Variants in WDR7 observed in about 807,000 individuals in gnomAD.
WDR7 encodes WD repeat domain 7, also known as WD repeat-containing protein 7.
WDR7 carries 46 observed loss-of-function variants against 169.4 expected under a neutral mutation model. That is an observed-to-expected ratio of 0.27 (90% CI 0.21 to 0.35). The LOEUF is 0.35. WDR7 is among the 10% of genes least tolerant of loss of function. The probability of loss-of-function intolerance (pLI) is 1.00; values close to 1 mark genes in which losing one functional copy is unlikely to be tolerated. For missense variants in WDR7, 1,534 were observed against 1,859.3 expected, an observed-to-expected ratio of 0.83 and a Z score of 3.22; for synonymous variants, 612 against 666.8, an observed-to-expected ratio of 0.92 and a Z score of 1.27.
intron 22 of WDR7, among the ~76,000 whole-genome samples, chr18:56,924,739 C>T (rs1437877424): frequency 6.6e-6 from 1 of 152,200 alleles, no homozygotes; most frequent in Admixed American, 6.5e-5. Flanking sequence ...AACTCAATCT[C>T]CTGATTCCTG....
intron 19 of WDR7, among the ~76,000 whole-genome samples, chr18:56,798,460 G>A (rs981177843): frequency 6.6e-6 from 1 of 152,162 alleles, no homozygotes; most frequent in Non-Finnish European, 1.5e-5. Context: ...AGAGGCCAGG[G>A]ATGCTTCTAA....
At chr18:56,716,030 AGT>A (rs10572330) in intron 12 of WDR7, among the ~76,000 whole-genome samples, 22,663 of 146,508 alleles carry the variant, frequency 0.15, 1,754 homozygotes, top group African/African-American at 0.21. Flanking sequence ...CATACGTAGC[AGT>A]GTGTGTGTGT....
Position 56,696,334 on chromosome 18 carries a change from T to C in WDR7, c.1450T>C (p.Tyr484His), listed in dbSNP as rs1271490095. ...GGTCTCAGCTCGGTATGATCAAAGA[T>C]ACCTGATATCTGGAGGTGTGGATTT... ...HQVSARYDQR[Y>H]LISGGVDFSV... The change falls in exon 12 of 28, where the codon TAC becomes CAC. Residue 484 changes from tyrosine (Y) to histidine (H), a missense_variant. Coordinates refer to ENST00000254442, the MANE Select transcript of WDR7 (RefSeq NM_015285.3). The C allele has an allele frequency of 6.2e-7, 1 of 1,614,132 alleles. No homozygotes were observed. Among genetic ancestry groups the C allele is most frequent in the Admixed American group, 1.7e-5 (1 of 60,024 alleles).
intron 21 of WDR7, among the ~76,000 whole-genome samples, chr18:56,897,755 C>T (rs187571686): frequency 9.8e-4 from 149 of 151,914 alleles, no homozygotes; most frequent in African/African-American, 3.4e-3. Flanking sequence ...TCTAAAATAG[C>T]AGTGACCAAG....
intron 21 of WDR7, among the ~76,000 whole-genome samples, chr18:56,922,496 C>T (rs1202624964): frequency 6.6e-6 from 1 of 152,126 alleles, no homozygotes; most frequent in Non-Finnish European, 1.5e-5. Context: ...TGAAGCTTTA[C>T]ATATTATAAT....
intron 25 of WDR7, among the ~76,000 whole-genome samples, chr18:56,960,500 A>G (rs1414497806): frequency 6.6e-6 from 1 of 152,170 alleles, no homozygotes; most frequent in South Asian, 2.1e-4. Context: ...TCCTGTGCCT[A>G]TTAACCTGCA....
intron 21 of WDR7, among the ~76,000 whole-genome samples, chr18:56,911,806 GAA>G (rs1181276930): frequency 6.6e-6 from 1 of 152,204 alleles, no homozygotes; most frequent in Non-Finnish European, 1.5e-5. Flanking sequence ...TTATTTAAAA[GAA>G]GAGACAATTA....
chr18:57,013,811 T>G (rs1053814777), intron 26 of WDR7, among the ~76,000 whole-genome samples: 2 of 152,180 alleles, frequency 1.3e-5, no homozygotes, highest in African/African-American at 4.8e-5. Context: ...CATCTCACTC[T>G]CCTAAAGATA....
chr18:56,846,884 C>A (rs1222700178), intron 20 of WDR7, among the ~76,000 whole-genome samples: 2 of 152,130 alleles, frequency 1.3e-5, no homozygotes, highest in Non-Finnish European at 2.9e-5. Flanking sequence ...TATAAATTAG[C>A]CAGCCTTGGG....
intron 14 of WDR7, among the ~76,000 whole-genome samples, chr18:56,739,787 TG>T (rs1395426051): frequency 1.3e-5 from 2 of 152,178 alleles, no homozygotes; most frequent in Non-Finnish European, 2.9e-5. Context: ...TCATTCTTAT[TG>T]TTATTCCTTT....
rs1451863498 is a variant in WDR7 at position 56,939,461 on chromosome 18, G to A, written c.4064+68G>A. The A allele has an allele frequency of 3.2e-6, 4 of 1,267,012 alleles. No homozygotes were observed. The African/African-American group carries it at 4.6e-5, about 14-fold the overall frequency. The allele number at this position is 1,267,012 out of a possible 1,614,324, so 78.5% of individuals were successfully genotyped here. On this transcript the variant is annotated intron_variant, in intron 25 of 27. Transcript: ENST00000254442. Reference sequence around the variant, plus strand: ...TAACAAATAATTTTAAAAATTTTTGGCATGGTGTTAGTAGTCTTGGTCAAT... The same window carrying A: ...TAACAAATAATTTTAAAAATTTTTGACATGGTGTTAGTAGTCTTGGTCAAT...
intron 16 of WDR7, among the ~76,000 whole-genome samples, chr18:56,772,090 C>T (rs1256926195): frequency 1.1e-4 from 13 of 121,326 alleles, no homozygotes; most frequent in Non-Finnish European, 1.7e-5. Flanking sequence ...AAAAAAAAAG[C>T]TAGAGAGAAG....
intron 6 of WDR7, 144 bp downstream of exon 6, chr18:56,686,176 G>T: frequency 4.8e-6 from 3 of 623,222 alleles, no homozygotes; most frequent in Non-Finnish European, 7.8e-6. Flanking sequence ...GCATAGTATG[G>T]AAGATTCTCT....
At chr18:56,780,338 A>G (rs1414555434) in intron 18 of WDR7, among the ~76,000 whole-genome samples, 2 of 152,204 alleles carry the variant, frequency 1.3e-5, no homozygotes, top group Admixed American at 6.5e-5. Flanking sequence ...AATTTTCCAA[A>G]TATAAGTACG....
intron 2 of WDR7, among the ~76,000 whole-genome samples, chr18:56,678,387 G>T (rs2025285775): frequency 6.6e-6 from 1 of 152,306 alleles, no homozygotes; most frequent in African/African-American, 2.4e-5. Flanking sequence ...ATTCTTCACT[G>T]TCTGGACTTG....
chr18:56,931,274 T>A (rs1225297264), intron 22 of WDR7, among the ~76,000 whole-genome samples: 1 of 152,204 alleles, frequency 6.6e-6, no homozygotes, highest in African/African-American at 2.4e-5. Context: ...TGACACTCCT[T>A]TAATTTCAAA....
chr18:56,918,913 A>G (rs1223496703), intron 21 of WDR7, among the ~76,000 whole-genome samples: 2 of 152,224 alleles, frequency 1.3e-5, no homozygotes, highest in African/African-American at 2.4e-5. Flanking sequence ...CTTGAATGTC[A>G]TTTGGCCCAG....
chr18:56,704,650 A>G (rs1354472745), intron 12 of WDR7, among the ~76,000 whole-genome samples: 1 of 152,110 alleles, frequency 6.6e-6, no homozygotes, highest in Non-Finnish European at 1.5e-5. Context: ...GTAGGAGGCC[A>G]GAAAACTCAG....
At chr18:56,818,908 A>G (rs1046794951) in intron 20 of WDR7, among the ~76,000 whole-genome samples, 1 of 152,182 alleles carries the variant, frequency 6.6e-6, no homozygotes, top group Non-Finnish European at 1.5e-5. Context: ...AGTAGTAATT[A>G]TATCATGACA....
Sources: gnomAD v4.1 joint callset for allele counts (sites outside exome capture counted in the v4.1 genomes callset) on GRCh38, gnomAD v4.1.1 for gene constraint, MANE v1.5 for transcripts, NCBI Gene and HGNC (gene_info 2026-07-23, HGNC 2026-07-21) for gene names.